VPS13B: variants seen among roughly 807,000 people sequenced by gnomAD.
VPS13B encodes vacuolar protein sorting 13 homolog B, also known as intermembrane lipid transfer protein VPS13B.
A neutral mutation model predicts 426.4 loss-of-function variants in VPS13B; 285 were observed. That is an observed-to-expected ratio of 0.67 (90% CI 0.61 to 0.74). The LOEUF (loss-of-function observed/expected upper bound fraction) is 0.74, where lower values mean the gene tolerates loss of function less well. VPS13B is among the 30% of genes least tolerant of loss of function. VPS13B has a pLI of 0.00. For synonymous variants in VPS13B, 1,676 were observed against 1,676.4 expected (o/e 1.00, Z 0.01); for missense variants, 4,537 against 4,782.6 (o/e 0.95, Z 1.51).
intron 21 of VPS13B, among the ~76,000 whole-genome samples, chr8:99,404,722 G>T (rs1815234825): frequency 6.6e-6 from 1 of 152,080 alleles, no homozygotes; most frequent in Admixed American, 6.6e-5. Context: ...GAATTAGGAA[G>T]GTATAGTATA....
intron 33 of VPS13B, among the ~76,000 whole-genome samples, chr8:99,585,742 A>G (rs1252131815): frequency 6.6e-6 from 1 of 152,182 alleles, no homozygotes; most frequent in Non-Finnish European, 1.5e-5. Context: ...ATAAAAGACT[A>G]GATACTTTCC....
intron 35 of VPS13B, among the ~76,000 whole-genome samples, chr8:99,669,910 A>G (rs889062693): frequency 2.0e-5 from 3 of 152,180 alleles, no homozygotes; most frequent in African/African-American, 7.2e-5. Flanking sequence ...AATAATTCCT[A>G]AACATCCTTA....
intron 56 of VPS13B, among the ~76,000 whole-genome samples, 199 bp downstream of exon 56, chr8:99,854,455 T>G (rs1425814217): frequency 1.3e-5 from 2 of 152,208 alleles, no homozygotes; most frequent in African/African-American, 2.4e-5. Flanking sequence ...TTATTGAACC[T>G]TCCTGAGTCT....
chr8:99,495,448 G>C (rs997056651), intron 25 of VPS13B, among the ~76,000 whole-genome samples: 1 of 152,012 alleles, frequency 6.6e-6, no homozygotes, highest in Non-Finnish European at 1.5e-5. Context: ...ACCACTTGTT[G>C]TTTTCTTAAA....
At position 99,341,059 on chromosome 8, in the gene VPS13B, C is replaced by T. The variant is rs149132298; in HGVS notation, c.2825-43149C>T. The T allele has an allele frequency of 1.9e-4, 51 of 267,152 alleles. 1 individual carries two copies. Among genetic ancestry groups the T allele is most frequent in the South Asian group, 1.7e-3 (31 of 18,410 alleles). 16.5% of individuals were successfully genotyped at this position (267,152 alleles called of 1,614,324 possible). On this transcript the variant is annotated intron_variant, in intron 19 of 61. Transcript: ENST00000357162. Reference sequence around the variant, plus strand: ...TCCCATGGATAGATTATAACTGATGCGGTAGTGTAATCAAAGGTTATTCTT... The same window carrying T: ...TCCCATGGATAGATTATAACTGATGTGGTAGTGTAATCAAAGGTTATTCTT...
chr8:99,689,814 G>T (rs1194855636), intron 35 of VPS13B, among the ~76,000 whole-genome samples: 2 of 152,170 alleles, frequency 1.3e-5, no homozygotes, highest in African/African-American at 2.4e-5. Flanking sequence ...CAGGGAAAAT[G>T]GATCCCTTAG....
chr8:99,104,274 A>C (rs145161443), intron 5 of VPS13B, among the ~76,000 whole-genome samples: 21 of 152,310 alleles, frequency 1.4e-4, no homozygotes, highest in African/African-American at 4.8e-4. Flanking sequence ...AAAATATAGT[A>C]TTATAATCTT....
chr8:99,777,562 G>A (rs1278419373), intron 41 of VPS13B, among the ~76,000 whole-genome samples: 1 of 152,096 alleles, frequency 6.6e-6, no homozygotes, highest in East Asian at 1.9e-4. Context: ...ATTTGGGTGG[G>A]GACACAACCA....
rs114162469 is a variant in VPS13B, at chr8:99,715,802, G to A, written c.6455-1369G>A. ...TTTATGCCTTTATGGCAAATTTCTG[G>A]ATGATGAATAGATATATTTCATTTA... On this transcript the variant is annotated intron_variant, in intron 36 of 61. Coordinates refer to ENST00000357162, the MANE Select transcript of VPS13B (RefSeq NM_152564.5). 9.9e-3 allele frequency among the ~76,000 whole-genome samples: 1,504 copies of A among 152,228 alleles called. 32 individuals are homozygous for A. Among genetic ancestry groups the A allele is most frequent in the African/African-American group, 0.035 (1,441 of 41,546 alleles).
intron 21 of VPS13B, among the ~76,000 whole-genome samples, chr8:99,410,571 T>C (rs1815587175): frequency 6.6e-6 from 1 of 150,558 alleles, no homozygotes; most frequent in African/African-American, 2.4e-5. Flanking sequence ...TATTTATTTA[T>C]TTATTATTAT....
intron 16 of VPS13B, among the ~76,000 whole-genome samples, chr8:99,184,884 T>TG (rs1238004208): frequency 6.6e-6 from 1 of 152,030 alleles, no homozygotes; most frequent in East Asian, 1.9e-4. Flanking sequence ...CCAGCTACTC[T>TG]GGAGGCTGAG....
At chr8:99,434,331 G>A (rs1817266001) in intron 22 of VPS13B, among the ~76,000 whole-genome samples, 1 of 152,138 alleles carries the variant, frequency 6.6e-6, no homozygotes, top group Non-Finnish European at 1.5e-5. Context: ...TCTTTCCCAG[G>A]TGAGCCTGTG....
At chr8:99,375,647 G>A (rs1033285271) in intron 19 of VPS13B, among the ~76,000 whole-genome samples, 2 of 152,028 alleles carry the variant, frequency 1.3e-5, no homozygotes, top group Non-Finnish European at 2.9e-5. Flanking sequence ...CATTACCTTT[G>A]TTTTTGAAGT....
chr8:99,061,389 A>T (rs573663215), intron 3 of VPS13B, among the ~76,000 whole-genome samples: 1 of 131,786 alleles, frequency 7.6e-6, no homozygotes, highest in Admixed American at 8.2e-5. Context: ...CTGAGACTTT[A>T]GTTTTTCTAT....
In VPS13B at chr8:99,013,828, G is replaced by A; in HGVS notation, c.40G>A (p.Val14Met). Residue 14 changes from valine to methionine, a missense_variant, in exon 2 of 62, where the codon GTG (valine) becomes ATG (methionine). Physicochemically the swap from Val to Met is conservative, Grantham distance 21. This residue lies in a region of VPS13B where 226 missense variants were observed against 308.3 expected (regional missense o/e 0.73). Coordinates refer to ENST00000357162, the MANE Select transcript of VPS13B (RefSeq NM_152564.5). ...TGTAACTCCAATTTTAATGAGCTAT[G>A]TGAATCGCTACATCAAGAACTTAAA... ...SYVTPILMSYVNRYIKNLKPS... is the reference protein window; with the variant it reads ...SYVTPILMSYMNRYIKNLKPS... 2 of 1,614,164 alleles carry A rather than the reference G, an allele frequency of 1.2e-6. No individual in the cohort carries two copies. The highest frequency in any genetic ancestry group is 1.7e-6 in the Non-Finnish European group (2 of 1,180,032).
At chr8:99,829,705 G>A (rs937139631) in intron 51 of VPS13B, among the ~76,000 whole-genome samples, 5 of 152,208 alleles carry the variant, frequency 3.3e-5, no homozygotes, top group Admixed American at 6.5e-5. Context: ...CAGCCTTTTT[G>A]TGCTGGTTTT....
chr8:99,180,923 T>C (rs1812914206), intron 16 of VPS13B, among the ~76,000 whole-genome samples: 1 of 152,184 alleles, frequency 6.6e-6, no homozygotes, highest in African/African-American at 2.4e-5. Flanking sequence ...GAATATAATA[T>C]TCAGAATGTT....
At chr8:99,141,858 C>CA (rs975660733) in intron 12 of VPS13B, among the ~76,000 whole-genome samples, 3 of 142,618 alleles carry the variant, frequency 2.1e-5, no homozygotes, top group Admixed American at 7.2e-5. Context: ...TCCTGGCTAA[C>CA]ATGGTGAAAC....
At chr8:99,547,043 A>G (rs1824019708) in intron 30 of VPS13B, among the ~76,000 whole-genome samples, 1 of 152,064 alleles carries the variant, frequency 6.6e-6, no homozygotes, top group Non-Finnish European at 1.5e-5. Context: ...CTTGGTTCAG[A>G]TAGCAGAGAT....
Sources: gnomAD v4.1 joint callset for allele counts (sites outside exome capture counted in the v4.1 genomes callset) on GRCh38, gnomAD v4.1.1 for gene constraint, gnomAD v4.1.1 regional missense constraint, MANE v1.5 for transcripts, NCBI Gene and HGNC (gene_info 2026-07-23, HGNC 2026-07-21) for gene names.